The following BCAS3 variants were observed in gnomAD, a reference collection of about 807,000 sequenced individuals.
BCAS3 encodes the protein BCAS4/BCAS3 fusion.
BCAS3 carries 53 observed loss-of-function variants against 116.1 expected under a neutral mutation model. The ratio of observed to expected loss-of-function variants is 0.46; its 90% confidence interval spans 0.37 to 0.57. The LOEUF (loss-of-function observed/expected upper bound fraction) is 0.57, where lower values mean the gene tolerates loss of function less well. BCAS3 is among the 20% of genes least tolerant of loss of function. The probability of loss-of-function intolerance (pLI) is 0.00; values close to 1 mark genes in which losing one functional copy is unlikely to be tolerated. For missense variants in BCAS3, 917 were observed against 1,165.4 expected, an observed-to-expected ratio of 0.79 and a Z score of 3.10; for synonymous variants, 391 against 408.2, an observed-to-expected ratio of 0.96 and a Z score of 0.51.
At chr17:60,693,943 TG>T (rs2035225542) in intron 4 of BCAS3, among the ~76,000 whole-genome samples, 2 of 148,382 alleles carry the variant, frequency 1.3e-5, no homozygotes, top group Non-Finnish European at 3.0e-5. Context: ...TGGAGTGCAG[TG>T]GCGTGATCTT....
rs564856087 is a variant in BCAS3, at chr17:61,007,593, C to T, written c.1487-8158C>T. ...CAGTTTCAATTCTCCTGAAAGTACA[C>T]TTTTAATTCTAGTGACATTTAATAA... On this transcript the variant is annotated intron_variant, in intron 15 of 23. Transcript: ENST00000407086. This position sits in a 1 kb window ranked among gnomAD's most constrained non-coding sequence, Gnocchi z 4.3. Among the ~76,000 whole-genome samples, 4 of 151,982 alleles carry T rather than the reference C, an allele frequency of 2.6e-5. No homozygotes were observed. Among genetic ancestry groups the T allele is most frequent in the Admixed American group, 6.6e-5 (1 of 15,224 alleles).
chr17:60,982,728 G>T (rs751190181), intron 14 of BCAS3, among the ~76,000 whole-genome samples: 16 of 148,312 alleles, frequency 1.1e-4, no homozygotes, highest in Non-Finnish European at 1.9e-4. Context: ...ATTTTGAATT[G>T]CATCAACAAA....
chr17:60,865,053 C>G lies in BCAS3; in HGVS notation c.477-3523C>G, dbSNP rs139244226. ...GATCACTGATCACAGATCATTCTAA[C>G]AGATATAATAATAAATGAAAGAGTT... On this transcript the variant is annotated intron_variant, in intron 7 of 23. Coordinates refer to ENST00000407086, the MANE Select transcript of BCAS3 (RefSeq NM_017679.5). Among the ~76,000 whole-genome samples the G allele has an allele frequency of 3.1e-3, 473 of 152,140 alleles. 5 individuals are homozygous for G. Among genetic ancestry groups the G allele is most frequent in the African/African-American group, 0.011 (457 of 41,504 alleles).
intron 13 of BCAS3, among the ~76,000 whole-genome samples, chr17:60,929,518 C>T (rs978008780): frequency 4.6e-4 from 69 of 151,602 alleles, no homozygotes; most frequent in African/African-American, 1.5e-3. Flanking sequence ...TATTAATTGA[C>T]GTTTTATAAA....
intron 14 of BCAS3, 101 bp from the exon 15 acceptor site, chr17:60,989,870 A>G (rs1250385159): frequency 7.9e-7 from 1 of 1,269,560 alleles, no homozygotes; most frequent in Non-Finnish European, 1.1e-6. Flanking sequence ...ACATTTGGTA[A>G]TGAGGCAATC....
At chr17:60,988,702 C>G (rs1342071702) in intron 14 of BCAS3, among the ~76,000 whole-genome samples, 1 of 152,052 alleles carries the variant, frequency 6.6e-6, no homozygotes, top group Non-Finnish European at 1.5e-5. Context: ...ATAGTAGCCT[C>G]TAATGATCCT....
At chr17:60,894,058 T>C (rs1473052248) in intron 10 of BCAS3, among the ~76,000 whole-genome samples, 1 of 152,096 alleles carries the variant, frequency 6.6e-6, no homozygotes, top group Non-Finnish European at 1.5e-5. Context: ...TTTTATTTTA[T>C]TTTATTTTAT....
intron 22 of BCAS3, among the ~76,000 whole-genome samples, chr17:61,169,826 T>C (rs1601698996): frequency 6.6e-6 from 1 of 152,134 alleles, no homozygotes; most frequent in Non-Finnish European, 1.5e-5. Context: ...TTTCTGTGAG[T>C]TGATTTTTCT....
In BCAS3 at chr17:60,947,316, T is replaced by C; in HGVS notation, c.1185T>C (p.His395=). Residue 395 remains histidine (H), a synonymous_variant, in exon 14 of 24, where the codon CAT becomes CAC. Coordinates refer to ENST00000407086, the MANE Select transcript of BCAS3 (RefSeq NM_017679.5). ...PWSSSQCAVH[H]LYTLHRGETE... is the part of the protein sequence containing the mutation. ...CCTCATCACAATGTGCTGTCCACCA[T>C]CTGTATACTCTTCACAGGGGAGAAA... is the stretch of plus-strand genomic sequence containing the variant. 1 of 1,613,820 alleles carries C rather than the reference T, an allele frequency of 6.2e-7. No homozygotes were observed. Among genetic ancestry groups the C allele is most frequent in the Non-Finnish European group, 8.5e-7 (1 of 1,179,778 alleles).
At position 61,392,401 on chromosome 17, in the gene BCAS3, A is replaced by T; in HGVS notation, c.*276A>T. The T allele has an allele frequency of 1.5e-5, 3 of 196,710 alleles. No individual in the cohort carries two copies. The highest frequency in any genetic ancestry group is 1.1e-4 in the East Asian group (1 of 9,158). 12.2% of individuals were successfully genotyped at this position (196,710 alleles called of 1,614,324 possible). The stretch of plus-strand genomic sequence containing the variant: ...TGTATGTTTGCATATGACATCCTGC[A>T]TTGGATCCGCTTTTGTATTTTTTAA... On this transcript the variant is annotated 3_prime_UTR_variant, in exon 24 of 24. Coordinates refer to ENST00000407086, the MANE Select transcript of BCAS3 (RefSeq NM_017679.5). This position sits in a 1 kb window ranked among gnomAD's most constrained non-coding sequence, Gnocchi z 6.4.
intron 5 of BCAS3, among the ~76,000 whole-genome samples, chr17:60,739,614 C>G (rs1025954733): frequency 2.8e-4 from 43 of 151,634 alleles, no homozygotes; most frequent in African/African-American, 1.0e-3. Context: ...GAGCAAAACT[C>G]TGTCTGAAAA....
chr17:61,392,301 C>A lies in BCAS3; in HGVS notation c.*176C>A. Reference sequence around the variant, plus strand: ...GGAGAAGAGACCCTTCTCCAAGCACCTCAGCGCACTTGCCCTCTGCCACAC... The same window carrying A: ...GGAGAAGAGACCCTTCTCCAAGCACATCAGCGCACTTGCCCTCTGCCACAC... On this transcript the variant is annotated 3_prime_UTR_variant, in exon 24 of 24. Transcript: ENST00000407086. This position sits in a 1 kb window ranked among gnomAD's most constrained non-coding sequence, Gnocchi z 6.4. 2.7e-6 allele frequency: 2 copies of A among 730,652 alleles called. No individual in the cohort carries two copies. Among genetic ancestry groups the A allele is most frequent in the Non-Finnish European group, 4.4e-6 (2 of 458,568 alleles). The allele number at this position is 730,652 out of a possible 1,614,324, so 45.3% of individuals were successfully genotyped here.
At chr17:61,185,693 C>G (rs2079727975) in intron 22 of BCAS3, among the ~76,000 whole-genome samples, 1 of 152,172 alleles carries the variant, frequency 6.6e-6, no homozygotes, top group South Asian at 2.1e-4. Flanking sequence ...CTGTTATCCT[C>G]TCTCTGAGTG....
intron 22 of BCAS3, among the ~76,000 whole-genome samples, chr17:61,166,586 C>T (rs533374717): frequency 1.3e-5 from 2 of 151,950 alleles, no homozygotes; most frequent in African/African-American, 4.8e-5. Flanking sequence ...TTAGTGGACA[C>T]GGGGTTTCAC....
rs1411305210 is a variant in BCAS3 at position 61,323,494 on chromosome 17, A to C, written c.2426-44833A>C. Among the ~76,000 whole-genome samples, 1 of 152,214 alleles carries C rather than the reference A, an allele frequency of 6.6e-6. No homozygotes were observed. The highest frequency in any genetic ancestry group is 2.4e-5 in the African/African-American group (1 of 41,448). ...ATTTGGTTTTCTACTCTGTGAACTG[A>C]AGCTAATTTCTCCTACCTGGGAGGA... On this transcript the variant is annotated intron_variant, in intron 22 of 23. Transcript: ENST00000407086. This position sits in a 1 kb window ranked among gnomAD's most constrained non-coding sequence, Gnocchi z 4.6.
At chr17:60,718,861 A>G (rs1399165559) in intron 5 of BCAS3, among the ~76,000 whole-genome samples, 2 of 152,122 alleles carry the variant, frequency 1.3e-5, no homozygotes, top group Non-Finnish European at 2.9e-5. Flanking sequence ...GGAGATCGAG[A>G]CCATCCTGGC....
intron 22 of BCAS3, among the ~76,000 whole-genome samples, chr17:61,107,539 C>A (rs1056884996): frequency 3.0e-4 from 45 of 152,300 alleles, no homozygotes; most frequent in African/African-American, 1.0e-3. Flanking sequence ...TGACCCCTGC[C>A]AGCTACTAAT....
intron 3 of BCAS3, among the ~76,000 whole-genome samples, chr17:60,685,134 A>G (rs536867650): frequency 6.6e-6 from 1 of 152,322 alleles, no homozygotes; most frequent in African/African-American, 2.4e-5. Flanking sequence ...ATAACTTAAC[A>G]TTTTGCACAT....
intron 7 of BCAS3, among the ~76,000 whole-genome samples, chr17:60,855,088 T>G (rs1207230452): frequency 6.6e-6 from 1 of 151,308 alleles, no homozygotes; most frequent in African/African-American, 2.4e-5. Context: ...TAGCTGGGAT[T>G]ACAGATGCAT....
Sources: gnomAD v4.1 joint callset for allele counts (sites outside exome capture counted in the v4.1 genomes callset) on GRCh38, gnomAD v4.1.1 for gene constraint, Gnocchi (gnomAD v3.1) non-coding constraint, MANE v1.5 for transcripts, NCBI Gene and HGNC (gene_info 2026-07-23, HGNC 2026-07-21) for gene names.